Variants in FBXO10 observed in about 807,000 individuals in gnomAD.
FBXO10 encodes the protein F-box protein 10, also known as F-box only protein 10.
A neutral mutation model predicts 80.7 loss-of-function variants in FBXO10; 39 were observed. The observed-to-expected ratio is 0.48, with a 90% CI of 0.37 to 0.63. FBXO10 has a LOEUF of 0.63. Ranked by LOEUF, FBXO10 falls within the 30% of genes least tolerant of loss-of-function variation. FBXO10 has a pLI of 0.00. For synonymous variants in FBXO10, 449 were observed against 489.6 expected (o/e 0.92, Z 1.09); for missense variants, 1,025 against 1,269.0 (o/e 0.81, Z 2.92).
chr9:37,515,484 G>C (rs1190460128), intron 10 of FBXO10: 1 of 155,728 alleles, frequency 6.4e-6, no homozygotes, highest in Non-Finnish European at 1.4e-5. Flanking sequence ...AGACAGGTTT[G>C]AGGAAGATGG....
intron 1 of FBXO10, among the ~76,000 whole-genome samples, chr9:37,573,241 C>T (rs897716721): frequency 4.6e-5 from 7 of 152,126 alleles, no homozygotes; most frequent in Non-Finnish European, 7.3e-5. Flanking sequence ...CTTGGGTGGT[C>T]TAGATGACCA....
In FBXO10 at chr9:37,518,359, A is replaced by C; in HGVS notation, c.2280T>G (p.Ile760Met). Residue 760 changes from isoleucine to methionine, a missense_variant, in exon 9 of 11, where the codon ATT becomes ATG. Physicochemically the swap from Ile to Met is conservative, Grantham distance 10 (BLOSUM62 1). Coordinates refer to ENST00000432825, the MANE Select transcript of FBXO10 (RefSeq NM_012166.3). ...TGGGTTGGCTGCTCTGGGCCACAGT[A>C]ATGCCTCTGTCCCCATTCGCGTGGA... ...NVIHANGDRG[I>M]TVAQSSQPTR... 6.2e-7 allele frequency: 1 copy of C among 1,613,942 alleles called. No homozygotes were observed. The highest frequency in any genetic ancestry group is 1.1e-5 in the South Asian group (1 of 91,076).
intron 10 of FBXO10, 145 bp downstream of exon 10, chr9:37,515,759 G>T: frequency 1.2e-6 from 1 of 835,850 alleles, no homozygotes. Flanking sequence ...CATAGAGCCA[G>T]GCACAGGCCT....
chr9:37,536,405 T>C (rs1012848125), intron 3 of FBXO10, among the ~76,000 whole-genome samples: 1 of 152,130 alleles, frequency 6.6e-6, no homozygotes, highest in African/African-American at 2.4e-5. Context: ...ATTTACAGGA[T>C]TTGCAGATTG....
At chr9:37,562,224 C>T (rs1822500959) in intron 1 of FBXO10, among the ~76,000 whole-genome samples, 1 of 152,212 alleles carries the variant, frequency 6.6e-6, no homozygotes, top group South Asian at 2.1e-4. Context: ...CAGGGATCTG[C>T]ACTTGGGAGC....
intron 6 of FBXO10, among the ~76,000 whole-genome samples, chr9:37,524,225 G>A (rs1030838252): frequency 6.6e-6 from 1 of 152,188 alleles, no homozygotes; most frequent in Non-Finnish European, 1.5e-5. Context: ...CTTCTCAGAG[G>A]GCTGCCCTGA....
intron 8 of FBXO10, among the ~76,000 whole-genome samples, chr9:37,520,232 G>T (rs1821299208): frequency 6.9e-6 from 1 of 145,072 alleles, no homozygotes; most frequent in African/African-American, 2.6e-5. Context: ...TAATCAGGAG[G>T]CTTTGGGAGC....
intron 8 of FBXO10, 101 bp from the exon 9 acceptor site, chr9:37,518,539 G>T: frequency 1.0e-6 from 1 of 992,752 alleles, no homozygotes; most frequent in Non-Finnish European, 1.4e-6. Context: ...CGGGAGAACG[G>T]AGTGGAGAAG....
intron 9 of FBXO10, among the ~76,000 whole-genome samples, 180 bp downstream of exon 9, chr9:37,517,945 C>T (rs1821226374): frequency 6.6e-6 from 1 of 150,630 alleles, no homozygotes; most frequent in South Asian, 2.1e-4. Flanking sequence ...GACTCAGCTT[C>T]TCCGTCCCCC....
At chr9:37,544,370 T>C (rs1469667776) in intron 1 of FBXO10, among the ~76,000 whole-genome samples, 1 of 152,086 alleles carries the variant, frequency 6.6e-6, no homozygotes, top group Non-Finnish European at 1.5e-5. Context: ...GAGGCAGAGG[T>C]TGCAGTGAGC....
At chr9:37,550,416 C>T (rs775623928) in intron 1 of FBXO10, among the ~76,000 whole-genome samples, 6 of 150,352 alleles carry the variant, frequency 4.0e-5, no homozygotes, top group Non-Finnish European at 8.9e-5. Context: ...AACTCCTGAC[C>T]TCAAGTGATC....
At chr9:37,545,654 G>C (rs1429561997) in intron 1 of FBXO10, among the ~76,000 whole-genome samples, 1 of 152,040 alleles carries the variant, frequency 6.6e-6, no homozygotes, top group African/African-American at 2.4e-5. Context: ...TTCTCTTTTG[G>C]GCATTTCTAC....
At chr9:37,570,097 G>T (rs1043279841) in intron 1 of FBXO10, among the ~76,000 whole-genome samples, 3 of 152,186 alleles carry the variant, frequency 2.0e-5, no homozygotes, top group Non-Finnish European at 2.9e-5. Context: ...AACACCTGAG[G>T]TAAGGAGTTC....
Position 37,524,449 on chromosome 9 carries a change from T to C in FBXO10, c.1777+653A>G, listed in dbSNP as rs374593949. Among the ~76,000 whole-genome samples the C allele has an allele frequency of 6.8e-4, 103 of 152,312 alleles. 2 individuals are homozygous for C. In the South Asian group the frequency reaches 0.021, roughly 31 times the overall value. On this transcript the variant is annotated intron_variant, in intron 6 of 10. Transcript: ENST00000432825. ...CTGTATACCACACGTGCTCAATCCA[T>C]GTCTGATAAGTTCAGTCAGGGGGAT...
At chr9:37,554,473 A>G (rs989334737) in intron 1 of FBXO10, among the ~76,000 whole-genome samples, 5 of 152,166 alleles carry the variant, frequency 3.3e-5, no homozygotes, top group African/African-American at 1.2e-4. Flanking sequence ...GTATTTGCAG[A>G]ATTGACAGAT....
intron 1 of FBXO10, among the ~76,000 whole-genome samples, chr9:37,555,573 A>G (rs1420160515): frequency 6.6e-6 from 1 of 151,716 alleles, no homozygotes; most frequent in East Asian, 1.9e-4. Context: ...TAGAGATGGG[A>G]TTTCATCATG....
chr9:37,547,506 G>C (rs552549883), intron 1 of FBXO10, among the ~76,000 whole-genome samples: 9 of 152,216 alleles, frequency 5.9e-5, no homozygotes, highest in Non-Finnish European at 1.3e-4. Context: ...AGCTACTAGG[G>C]TGGTTGAGGT....
chr9:37,543,282 A>T (rs879890096), intron 1 of FBXO10, among the ~76,000 whole-genome samples: 5 of 152,204 alleles, frequency 3.3e-5, no homozygotes, highest in Non-Finnish European at 7.3e-5. Context: ...CAGCAGATGT[A>T]TATGTAGAAC....
At chr9:37,521,223 G>A (rs1047763563) in intron 8 of FBXO10, among the ~76,000 whole-genome samples, 5 of 151,734 alleles carry the variant, frequency 3.3e-5, no homozygotes, top group African/African-American at 9.7e-5. Context: ...CCTGGCGGCC[G>A]CACCGTCTCA....
Sources: allele counts gnomAD v4.1 joint callset (sites outside exome capture counted in the v4.1 genomes callset), GRCh38; gene constraint gnomAD v4.1.1; transcripts MANE v1.5; gene names NCBI Gene and HGNC (gene_info 2026-07-23, HGNC 2026-07-21).